SYCP2L: variants seen among roughly 807,000 people sequenced by gnomAD.
The protein encoded by SYCP2L is synaptonemal complex protein 2-like.
Under a neutral mutation model 125.8 loss-of-function variants are expected in SYCP2L, and 98 were observed. The ratio of observed to expected loss-of-function variants is 0.78; its 90% CI spans 0.66 to 0.92. SYCP2L has a LOEUF of 0.92. Ranked by LOEUF, SYCP2L falls within the 40% of genes least tolerant of loss-of-function variation. The pLI is 0.00. For synonymous variants in SYCP2L, 317 were observed against 325.4 expected, an observed-to-expected ratio of 0.97 and a Z score of 0.28; for missense variants, 842 against 936.4, an observed-to-expected ratio of 0.90 and a Z score of 1.32.
chr6:10,960,614 G>A (rs369675922), intron 26 of SYCP2L, among the ~76,000 whole-genome samples: 1 of 152,156 alleles, frequency 6.6e-6, no homozygotes, highest in Non-Finnish European at 1.5e-5. Context: ...GGAAAAGAGT[G>A]TATTAGCTCA....
chr6:10,949,952 G>T lies in SYCP2L; in HGVS notation c.1955-5164G>T, dbSNP rs148384879. On this transcript the variant is annotated intron_variant, in intron 23 of 29. Coordinates refer to ENST00000283141, the MANE Select transcript of SYCP2L (RefSeq NM_001040274.3). ...TTCTTTCTGTCCTTGCCTTCATTTAGATTTATCATTTTTAATCATTTTCCC... is the reference window on the plus strand; with the variant it reads ...TTCTTTCTGTCCTTGCCTTCATTTATATTTATCATTTTTAATCATTTTCCC... Among the ~76,000 whole-genome samples the T allele has an allele frequency of 3.1e-3, 468 of 151,964 alleles. 1 individual carries two copies. Among genetic ancestry groups the T allele is most frequent in the Non-Finnish European group, 5.0e-3 (339 of 67,956 alleles).
chr6:10,899,451 G>T (rs1279049871), intron 6 of SYCP2L, among the ~76,000 whole-genome samples: 1 of 152,140 alleles, frequency 6.6e-6, no homozygotes, highest in African/African-American at 2.4e-5. Context: ...GGGAGGGTGA[G>T]GTGGGAGGAT....
chr6:10,892,096 A>G (rs1699806169), intron 2 of SYCP2L, among the ~76,000 whole-genome samples: 1 of 152,166 alleles, frequency 6.6e-6, no homozygotes, highest in African/African-American at 2.4e-5. Flanking sequence ...CTGTGATCTG[A>G]GTGGAACCAG....
Position 10,906,042 on chromosome 6 carries a change from T to C in SYCP2L, c.664T>C (p.Leu222=). The change falls in exon 9 of 30, where the codon TTG becomes CTG. Residue 222 remains leucine (L), a synonymous_variant. Coordinates refer to ENST00000283141, the MANE Select transcript of SYCP2L (RefSeq NM_001040274.3). ...CAGGAAAGACCTTGCAAGGACACTC[T>C]TGACTGTGGGTGGTAAGAAATTTTA... The part of the protein sequence containing the change: ...HLMKDLARTL[L]TVGDYDQQVA... 6.3e-7 allele frequency: 1 copy of C among 1,599,808 alleles called. No individual in the cohort carries two copies.
At position 10,912,748 on chromosome 6, in the gene SYCP2L, T is replaced by C; in HGVS notation, c.994T>C (p.Tyr332His). 6.2e-7 allele frequency: 1 copy of C among 1,613,814 alleles called. No homozygotes were observed. The highest frequency in any genetic ancestry group is 8.5e-7 in the Non-Finnish European group (1 of 1,179,852). The change falls in exon 13 of 30, where the codon TAT becomes CAT. Residue 332 changes from tyrosine (Y) to histidine (H), a missense_variant. By Grantham distance (83) the Tyr-to-His change is moderately conservative. Transcript: ENST00000283141. The surrounding 1 kb of genome is among the most constrained non-coding windows in gnomAD (Gnocchi z 4.1). Reference sequence around the variant, plus strand: ...CCTAGGAAGTCAGAGTGTCACTTTTTATATAGACAATGCTGAGGTAATGAT... The same window carrying C: ...CCTAGGAAGTCAGAGTGTCACTTTTCATATAGACAATGCTGAGGTAATGAT... The part of the protein sequence containing the change: ...FNLGSQSVTF[Y>H]IDNAENTLWD...
intron 18 of SYCP2L, among the ~76,000 whole-genome samples, chr6:10,928,694 C>T (rs60336529): frequency 0.045 from 6,841 of 152,204 alleles, 403 homozygotes; most frequent in East Asian, 0.2. Flanking sequence ...GGTGCCACCA[C>T]GCCTGGCTTA....
chr6:10,904,264 A>T (rs1780442932), intron 8 of SYCP2L, among the ~76,000 whole-genome samples: 1 of 152,182 alleles, frequency 6.6e-6, no homozygotes, highest in Non-Finnish European at 1.5e-5. Flanking sequence ...ATTTGGAGGT[A>T]AGGTTGTAAT....
At position 10,926,410 on chromosome 6, in the gene SYCP2L, C is replaced by T; in HGVS notation, c.1290C>T (p.Pro430=). 1.2e-6 allele frequency: 2 copies of T among 1,613,464 alleles called. No homozygotes were observed. Among genetic ancestry groups the T allele is most frequent in the Non-Finnish European group, 1.7e-6 (2 of 1,179,652 alleles). The part of the protein sequence containing the change: ...SKSDKEDRES[P]SGLERETEQA... ...CTGATAAAGAAGACAGGGAGAGTCC[C>T]AGTGGCCTTGAAAGAGAAACAGGTA... Residue 430 remains proline (P), a synonymous_variant, in exon 16 of 30, where the codon CCC becomes CCT. Coordinates refer to ENST00000283141, the MANE Select transcript of SYCP2L (RefSeq NM_001040274.3).
At chr6:10,927,540 AG>A in intron 17 of SYCP2L, among the ~76,000 whole-genome samples, 173 bp downstream of exon 17, 1 of 152,322 alleles carries the variant, frequency 6.6e-6, no homozygotes, top group African/African-American at 2.4e-5. Context: ...GATTTTCAAA[AG>A]GGGAGGGAGT....
intron 19 of SYCP2L, among the ~76,000 whole-genome samples, chr6:10,931,115 G>C (rs988734034): frequency 6.6e-6 from 1 of 152,230 alleles, no homozygotes. Context: ...AGGCTGCAGC[G>C]AGCAGTGATC....
chr6:10,913,043 G>A, intron 14 of SYCP2L, 116 bp downstream of exon 14: 1 of 944,676 alleles, frequency 1.1e-6, no homozygotes, highest in Non-Finnish European at 1.6e-6. Context: ...GAGGTAGGAA[G>A]GCTGTATGGT....
chr6:10,902,625 A>G (rs1238259586), intron 6 of SYCP2L, 52 bp from the exon 7 acceptor site: 12 of 1,521,472 alleles, frequency 7.9e-6, no homozygotes, highest in East Asian at 2.3e-5. Context: ...TGTAGGAGTC[A>G]TTTTCTTACT....
intron 28 of SYCP2L, 128 bp downstream of exon 28, chr6:10,961,686 G>A (rs912776702): frequency 4.5e-6 from 4 of 894,500 alleles, no homozygotes; most frequent in Admixed American, 4.5e-5. Context: ...CTTTTGAACC[G>A]GCCACTTCTG....
At chr6:10,888,384 A>C (rs552378952) in intron 1 of SYCP2L, among the ~76,000 whole-genome samples, 1 of 151,768 alleles carries the variant, frequency 6.6e-6, no homozygotes, top group Non-Finnish European at 1.5e-5. Context: ...CGTGAGCCAC[A>C]GCGCCCGGCT....
intron 20 of SYCP2L, among the ~76,000 whole-genome samples, chr6:10,932,761 A>G (rs192824793): frequency 6.6e-6 from 1 of 150,944 alleles, no homozygotes; most frequent in African/African-American, 2.4e-5. Flanking sequence ...TTCAAAAAAA[A>G]TTTTTTTTTT....
chr6:10,893,269 A>T (rs1411231691), intron 2 of SYCP2L, among the ~76,000 whole-genome samples: 5 of 152,244 alleles, frequency 3.3e-5, no homozygotes, highest in Non-Finnish European at 7.3e-5. Flanking sequence ...AAGTGCTGGG[A>T]TTACAGGCGT....
At chr6:10,955,278 A>G in intron 24 of SYCP2L, 61 bp downstream of exon 24, 1 of 994,208 alleles carries the variant, frequency 1.0e-6, no homozygotes, top group Non-Finnish European at 1.6e-6. Context: ...TCAGCACAGG[A>G]TGTAACAACA....
intron 4 of SYCP2L, among the ~76,000 whole-genome samples, chr6:10,897,041 A>AT (rs57840245): frequency 3.1e-4 from 46 of 150,046 alleles, no homozygotes; most frequent in Middle Eastern, 3.4e-3. Flanking sequence ...AGTTTTTCTA[A>AT]TTTTTTTTTT....
intron 20 of SYCP2L, among the ~76,000 whole-genome samples, chr6:10,931,836 A>G (rs1581832055): frequency 6.6e-6 from 1 of 152,080 alleles, no homozygotes; most frequent in Non-Finnish European, 1.5e-5. Context: ...GTGGTAGCAC[A>G]TGCTTATAGT....
Sources: allele counts gnomAD v4.1 joint callset (sites outside exome capture counted in the v4.1 genomes callset), GRCh38; gene constraint gnomAD v4.1.1; non-coding constraint Gnocchi (gnomAD v3.1); transcripts MANE v1.5; gene names NCBI Gene and HGNC (gene_info 2026-07-23, HGNC 2026-07-21).